STAT5A: variants seen among roughly 807,000 people sequenced by gnomAD.
The protein encoded by STAT5A is epididymis secretory sperm binding protein.
STAT5A carries 26 observed loss-of-function variants against 100.2 expected under a neutral mutation model. The ratio of observed to expected loss-of-function variants is 0.26; its 90% CI spans 0.19 to 0.36. The LOEUF (loss-of-function observed/expected upper bound fraction) is 0.36, where lower values mean the gene tolerates loss of function less well. STAT5A is among the 10% of genes least tolerant of loss of function. The pLI is 1.00. For synonymous variants in STAT5A, 330 were observed against 424.3 expected (o/e 0.78, Z 2.73); for missense variants, 634 against 1,027.5 (o/e 0.62, Z 5.24).
At chr17:42,289,158 A>G in intron 1 of STAT5A, 1 of 390,788 alleles carries the variant, frequency 2.6e-6, no homozygotes, top group Non-Finnish European at 4.6e-6. Flanking sequence ...GGGGAGAGGA[A>G]GACGGGGAGG....
At chr17:42,297,414 C>G (rs1031957483) in intron 5 of STAT5A, among the ~76,000 whole-genome samples, 1 of 152,116 alleles carries the variant, frequency 6.6e-6, no homozygotes, top group Non-Finnish European at 1.5e-5. Flanking sequence ...TTTCTGTTTC[C>G]TGTGCATGGT....
intron 3 of STAT5A, among the ~76,000 whole-genome samples, chr17:42,290,734 T>C (rs982979358): frequency 1.3e-5 from 2 of 152,030 alleles, no homozygotes; most frequent in African/African-American, 2.4e-5. Context: ...GAGTCTGGAG[T>C]CATCTGCTCT....
intron 4 of STAT5A, among the ~76,000 whole-genome samples, chr17:42,293,193 CTTTA>C (rs909475753): frequency 1.3e-5 from 2 of 152,088 alleles, no homozygotes; most frequent in African/African-American, 4.8e-5. Flanking sequence ...TTATTTCTTT[CTTTA>C]TTTGTTTGTT....
intron 9 of STAT5A, among the ~76,000 whole-genome samples, 182 bp downstream of exon 9, chr17:42,301,636 G>A (rs568248350): frequency 9.2e-5 from 14 of 152,152 alleles, no homozygotes; most frequent in East Asian, 1.9e-4. Context: ...GTTGATAGGC[G>A]TGAGCCACCA....
chr17:42,303,933 A>G (rs1417894632), intron 9 of STAT5A, among the ~76,000 whole-genome samples: 1 of 152,078 alleles, frequency 6.6e-6, no homozygotes, highest in Non-Finnish European at 1.5e-5. Context: ...GCAGACAGCC[A>G]GGGCCAACGG....
At position 42,304,345 on chromosome 17, in the gene STAT5A, G is replaced by A. The variant is rs1223097464; in HGVS notation, c.1173G>A (p.Glu391=). 3.5e-5 allele frequency: 57 copies of A among 1,614,070 alleles called. No individual in the cohort carries two copies. The highest frequency in any genetic ancestry group is 4.7e-5 in the Non-Finnish European group (55 of 1,180,022). ...SLLKNENTRN[E]CSGEILNNCC... ...GGGACCCCCCTCTCCTTTGCAGCGAGTGCAGTGGTGAGATCCTGAACAACT... is the reference window on the plus strand; with the variant it reads ...GGGACCCCCCTCTCCTTTGCAGCGAATGCAGTGGTGAGATCCTGAACAACT... The change falls in exon 10 of 19, where the codon GAG becomes GAA. Residue 391 remains glutamate, a synonymous_variant. Coordinates refer to ENST00000590949, the MANE Select transcript of STAT5A (RefSeq NM_001288718.2). This position sits in a 1 kb window ranked among gnomAD's most constrained non-coding sequence, Gnocchi z 4.8.
intron 15 of STAT5A, 91 bp downstream of exon 15, chr17:42,307,814 T>C: frequency 6.5e-7 from 1 of 1,541,516 alleles, no homozygotes. Context: ...GCCTGTGTCC[T>C]TAGAAGGTAC....
In STAT5A at chr17:42,288,676, C is replaced by T. The variant is rs1361788265; in HGVS notation, c.-11+78C>T. On this transcript the variant is annotated intron_variant, in intron 1 of 18. Transcript: ENST00000590949. The surrounding 1 kb of genome is among the most constrained non-coding windows in gnomAD (Gnocchi z 4.8). ...CTGCCGCCCCGGCACCTCCGGCACC[C>T]GGAGCTCGACGGCCGGGCGCAGCGC... 1 of 152,242 alleles carries T rather than the reference C, an allele frequency of 6.6e-6. No homozygotes were observed. Among genetic ancestry groups the T allele is most frequent in the African/African-American group, 2.4e-5 (1 of 41,450 alleles). 9.4% of individuals were successfully genotyped at this position (152,242 alleles called of 1,614,324 possible).
intron 5 of STAT5A, among the ~76,000 whole-genome samples, chr17:42,296,680 C>G (rs911661677): frequency 1.1e-4 from 16 of 152,048 alleles, no homozygotes; most frequent in Admixed American, 8.5e-4. Context: ...CTCTGTCGCC[C>G]AGGCTGGAGC....
chr17:42,290,090 G>GT, intron 3 of STAT5A, 68 bp downstream of exon 3: 1 of 1,489,050 alleles, frequency 6.7e-7, no homozygotes, highest in Non-Finnish European at 9.0e-7. Context: ...GAACCCCTGG[G>GT]TTTTTTCCTG....
chr17:42,307,304 C>A, intron 13 of STAT5A, 98 bp from the exon 14 acceptor site: 1 of 1,222,042 alleles, frequency 8.2e-7, no homozygotes, highest in Non-Finnish European at 1.2e-6. Flanking sequence ...GGGTGAAGAA[C>A]TGGGAGAAGA....
At chr17:42,289,274 C>T (rs2080845209) in intron 1 of STAT5A, 128 bp from the exon 2 acceptor site, 3 of 1,062,282 alleles carry the variant, frequency 2.8e-6, no homozygotes. Flanking sequence ...CACAGGAAAG[C>T]TATCTGTGGG....
Position 42,288,995 on chromosome 17 carries a change from C to T in STAT5A, c.-11+397C>T, listed in dbSNP as rs1018310389. ...AGCCGTCGTGGCGCTGGCCTAACTTCGGGTTGGAATATCTCCCCTTCCCAG... is the reference window on the plus strand; with the variant it reads ...AGCCGTCGTGGCGCTGGCCTAACTTTGGGTTGGAATATCTCCCCTTCCCAG... On this transcript the variant is annotated intron_variant, in intron 1 of 18. Coordinates refer to ENST00000590949, the MANE Select transcript of STAT5A (RefSeq NM_001288718.2). This position sits in a 1 kb window ranked among gnomAD's most constrained non-coding sequence, Gnocchi z 4.8. Among the ~76,000 whole-genome samples, 2 of 152,232 alleles carry T rather than the reference C, an allele frequency of 1.3e-5. No individual in the cohort carries two copies. Among genetic ancestry groups the T allele is most frequent in the Non-Finnish European group, 2.9e-5 (2 of 68,028 alleles).
Position 42,310,617 on chromosome 17 carries a change from G to A in STAT5A, c.2333G>A (p.Arg778His), listed in dbSNP as rs762056710. 3.1e-6 allele frequency: 5 copies of A among 1,614,074 alleles called. No homozygotes were observed. Among genetic ancestry groups the A allele is most frequent in the South Asian group, 1.1e-5 (1 of 91,094 alleles). Reference sequence around the variant, plus strand: ...CGACCAATGGACAGTCTTGACTCCCGCCTCTCGCCCCCTGCCGGTCTTTTC... The same window carrying A: ...CGACCAATGGACAGTCTTGACTCCCACCTCTCGCCCCCTGCCGGTCTTTTC... ...LRRPMDSLDS[R>H]LSPPAGLFTS... The change falls in exon 19 of 19, where the codon CGC becomes CAC. Residue 778 changes from arginine to histidine, a missense_variant. Arg to His is a conservative substitution (Grantham distance 29, BLOSUM62 0). Around this residue, in one of 5 missense-constraint regions of STAT5A, gnomAD observed 88 missense variants for 95.1 expected, o/e 0.92. Transcript: ENST00000590949.
rs768465915 is a variant in STAT5A, at chr17:42,299,708, A to G, written c.551-43A>G. ...TGGGCTTCTCTAGGCCTCCTGTTGGACACTAGGAGGTGATGGTCATGGTTT... is the reference window on the plus strand; with the variant it reads ...TGGGCTTCTCTAGGCCTCCTGTTGGGCACTAGGAGGTGATGGTCATGGTTT... On this transcript the variant is annotated intron_variant, in intron 5 of 18. Coordinates refer to ENST00000590949, the MANE Select transcript of STAT5A (RefSeq NM_001288718.2). 7 of 1,613,786 alleles carry G rather than the reference A, an allele frequency of 4.3e-6. No homozygotes were observed. The East Asian group carries it at 6.7e-5, about 15-fold the overall frequency.
chr17:42,287,542 G>A (rs947730759), upstream of STAT5A: 2 of 152,512 alleles, frequency 1.3e-5, no homozygotes, highest in African/African-American at 4.8e-5. Flanking sequence ...GGGGACTGAG[G>A]CTCTAGACAG....
chr17:42,305,758 G>C lies in STAT5A; in HGVS notation c.1473+56G>C. The C allele has an allele frequency of 2.5e-6, 4 of 1,579,226 alleles. No homozygotes were observed. In the Middle Eastern group the frequency reaches 6.8e-4, roughly 268 times the overall value. On this transcript the variant is annotated intron_variant, in intron 12 of 18. Transcript: ENST00000590949. ...CCCCCAGGCCCTAGGACTCACCTGG[G>C]GTCAGCCCCACCCCTTGGGCCCCTG...
chr17:42,308,453 T>C lies in STAT5A; in HGVS notation c.2062+120T>C. On this transcript the variant is annotated intron_variant, in intron 16 of 18. Transcript: ENST00000590949. The surrounding 1 kb of genome is among the most constrained non-coding windows in gnomAD (Gnocchi z 4.6). ...GGAGGAGCCTAGGGGCCATGTCCCC[T>C]GTGGGTTTTGGCCCATGGGGTGGTG... is the stretch of plus-strand genomic sequence containing the variant. 7.0e-7 allele frequency: 1 copy of C among 1,434,506 alleles called. No individual in the cohort carries two copies. Among genetic ancestry groups the C allele is most frequent in the Admixed American group, 2.0e-5 (1 of 49,486 alleles). The allele number at this position is 1,434,506 out of a possible 1,614,324, so 88.9% of individuals were successfully genotyped here. A position where few individuals can be genotyped will look rare whatever the true frequency, so the allele number is the denominator to read the frequency against.
intron 17 of STAT5A, 129 bp downstream of exon 17, chr17:42,309,227 T>G: frequency 6.4e-7 from 1 of 1,555,942 alleles, no homozygotes; most frequent in Non-Finnish European, 8.8e-7. Flanking sequence ...GGGGAGGGAG[T>G]CCCCTCTCCT....
Sources: gnomAD v4.1 joint callset for allele counts (sites outside exome capture counted in the v4.1 genomes callset) on GRCh38, gnomAD v4.1.1 for gene constraint, gnomAD v4.1.1 regional missense constraint, Gnocchi (gnomAD v3.1) non-coding constraint, MANE v1.5 for transcripts, NCBI Gene and HGNC (gene_info 2026-07-23, HGNC 2026-07-21) for gene names.